EMP2: variants seen among roughly 807,000 people sequenced by gnomAD.
EMP2 encodes the protein epithelial membrane protein 2.
A neutral mutation model predicts 13.7 loss-of-function variants in EMP2; 19 were observed. The observed-to-expected ratio is 1.38, with a 90% CI of 0.97 to 2.03. The LOEUF (loss-of-function observed/expected upper bound fraction) is 2.03. Ranked by LOEUF, EMP2 falls within the 30% of genes most tolerant of loss-of-function variation. The pLI is 0.00. For missense variants in EMP2, 253 were observed against 220.7 expected (o/e 1.15, Z -0.93); for synonymous variants, 97 against 84.7 (o/e 1.15, Z -0.80).
chr16:10,559,020 G>A (rs974423122), intron 1 of EMP2: 4 of 152,300 alleles, frequency 2.6e-5, no homozygotes, highest in Non-Finnish European at 5.9e-5. Flanking sequence ...CTGGAGGTCC[G>A]AGGCAATCTC....
intron 3 of EMP2, among the ~76,000 whole-genome samples, chr16:10,540,818 T>C (rs969626367): frequency 1.3e-5 from 2 of 152,190 alleles, no homozygotes; most frequent in Non-Finnish European, 2.9e-5. Context: ...ACATTCTCTT[T>C]AACATAGACT....
chr16:10,536,134 G>A (rs916746986), intron 4 of EMP2, among the ~76,000 whole-genome samples: 1 of 152,208 alleles, frequency 6.6e-6, no homozygotes, highest in Non-Finnish European at 1.5e-5. Flanking sequence ...TGGCTGTCCA[G>A]TAAAAGTGCC....
intron 1 of EMP2, among the ~76,000 whole-genome samples, chr16:10,550,872 G>A (rs527671714): frequency 7.6e-4 from 116 of 152,094 alleles, no homozygotes; most frequent in African/African-American, 2.6e-3. Context: ...GTACTCAGGA[G>A]GCTGAGGCAG....
intron 1 of EMP2, among the ~76,000 whole-genome samples, chr16:10,573,781 A>T (rs753373448): frequency 6.6e-6 from 1 of 152,212 alleles, no homozygotes; most frequent in African/African-American, 2.4e-5. Flanking sequence ...TTCCTCGTAT[A>T]AACATGTGAG....
chr16:10,573,027 T>G (rs1409033867), intron 1 of EMP2, among the ~76,000 whole-genome samples: 1 of 152,114 alleles, frequency 6.6e-6, no homozygotes, highest in Non-Finnish European at 1.5e-5. Context: ...AAGGGAGTGG[T>G]CAGCATGGGT....
rs756207795 is a variant in EMP2 at position 10,533,052 on chromosome 16, C to A, written c.357G>T (p.Arg119Ser). The A allele has an allele frequency of 8.7e-6, 14 of 1,608,676 alleles. No individual in the cohort carries two copies. The highest frequency in any genetic ancestry group is 6.7e-5 in the Admixed American group (4 of 59,300). Residue 119 changes from arginine to serine, a missense_variant, in exon 5 of 5, where the codon AGG becomes AGT. By Grantham distance (110) the Arg-to-Ser change is moderately radical. Transcript: ENST00000359543. Reference protein sequence around the residue: ...VMIAASIYTDRREDIHDKNAK... With the variant: ...VMIAASIYTDSREDIHDKNAK... The stretch of plus-strand genomic sequence containing the variant: ...CGTTTTTGTCGTGAATGTCTTCACG[C>A]CTGTCTGTATAAATGGAGGCCGCAA...
At chr16:10,553,792 C>T (rs763451510) in intron 1 of EMP2, among the ~76,000 whole-genome samples, 1 of 152,240 alleles carries the variant, frequency 6.6e-6, no homozygotes, top group Non-Finnish European at 1.5e-5. Flanking sequence ...TCCGGACTTT[C>T]TGCGGCTCCA....
At chr16:10,551,998 A>AC (rs1217336476) in intron 1 of EMP2, among the ~76,000 whole-genome samples, 1 of 152,136 alleles carries the variant, frequency 6.6e-6, no homozygotes, top group African/African-American at 2.4e-5. Context: ...AATTAGAAGG[A>AC]CCCAATGAAC....
chr16:10,580,360 C>T lies in EMP2; in HGVS notation c.-61+189G>A, dbSNP rs924845958. On this transcript the variant is annotated intron_variant, in intron 1 of 4. Coordinates refer to ENST00000359543, the MANE Select transcript of EMP2 (RefSeq NM_001424.6). This position sits in a 1 kb window ranked among gnomAD's most constrained non-coding sequence, Gnocchi z 4.3. ...GGATGGCGAAGTGGAATTCTGGGGC[C>T]GGAGCGAGCGTGGCGCAGACCAGAG... Among the ~76,000 whole-genome samples, 1 of 152,216 alleles carries T rather than the reference C, an allele frequency of 6.6e-6. No individual in the cohort carries two copies. Among genetic ancestry groups the T allele is most frequent in the Non-Finnish European group, 1.5e-5 (1 of 68,038 alleles).
At chr16:10,543,318 CAGAGA>C (rs1278755744) in intron 3 of EMP2, among the ~76,000 whole-genome samples, 1 of 152,276 alleles carries the variant, frequency 6.6e-6, no homozygotes. Context: ...TGCCAAGAGG[CAGAGA>C]AGAGAAGGCA....
chr16:10,537,448 C>G (rs1236629392), intron 4 of EMP2, among the ~76,000 whole-genome samples: 2 of 152,232 alleles, frequency 1.3e-5, no homozygotes, highest in East Asian at 3.9e-4. Flanking sequence ...AACAAAGACC[C>G]CAAATCCTTT....
chr16:10,576,618 G>A (rs1209165529), intron 1 of EMP2: 1 of 151,890 alleles, frequency 6.6e-6, no homozygotes, highest in Non-Finnish European at 1.5e-5. Flanking sequence ...TCTAGAAGCT[G>A]ATGTCATCTA....
At chr16:10,565,516 C>A (rs761609569) in intron 1 of EMP2, among the ~76,000 whole-genome samples, 5 of 152,184 alleles carry the variant, frequency 3.3e-5, no homozygotes, top group Non-Finnish European at 7.3e-5. Context: ...TTTGAACTTG[C>A]CAGCCTCCAT....
rs978441290 is a variant in EMP2 at position 10,557,305 on chromosome 16, C to T, written c.-60-9628G>A. Among the ~76,000 whole-genome samples, 3 of 148,686 alleles carry T rather than the reference C, an allele frequency of 2.0e-5. 1 individual carries two copies. In the South Asian group the frequency reaches 6.4e-4, roughly 32 times the overall value. ...CCGGTAGGTGGAGGTTGCATTGAGCCGAGATCCCACCACTGCACTCCAGCC... is the reference window on the plus strand; with the variant it reads ...CCGGTAGGTGGAGGTTGCATTGAGCTGAGATCCCACCACTGCACTCCAGCC... On this transcript the variant is annotated intron_variant, in intron 1 of 4. Coordinates refer to ENST00000359543, the MANE Select transcript of EMP2 (RefSeq NM_001424.6).
chr16:10,553,437 G>C (rs1427399327), intron 1 of EMP2, among the ~76,000 whole-genome samples: 1 of 152,156 alleles, frequency 6.6e-6, no homozygotes, highest in Non-Finnish European at 1.5e-5. Context: ...CCGCTTTCTG[G>C]ATTGGTGGAG....
intron 1 of EMP2, among the ~76,000 whole-genome samples, chr16:10,556,489 T>C (rs944706444): frequency 3.3e-5 from 5 of 152,192 alleles, no homozygotes; most frequent in Non-Finnish European, 7.3e-5. Flanking sequence ...AAGCAATCCA[T>C]GTGTGGCACT....
At chr16:10,539,315 G>C (rs1052719950) in intron 3 of EMP2, among the ~76,000 whole-genome samples, 5 of 152,080 alleles carry the variant, frequency 3.3e-5, no homozygotes, top group African/African-American at 1.2e-4. Context: ...AACATAATTG[G>C]TAAGTACTTA....
chr16:10,556,185 G>C (rs2050826433), intron 1 of EMP2, among the ~76,000 whole-genome samples: 1 of 152,054 alleles, frequency 6.6e-6, no homozygotes, highest in Non-Finnish European at 1.5e-5. Flanking sequence ...TTTTCCCCTA[G>C]CATTTCCAGT....
At chr16:10,539,899 C>T (rs940011793) in intron 3 of EMP2, among the ~76,000 whole-genome samples, 2 of 135,390 alleles carry the variant, frequency 1.5e-5, no homozygotes, top group African/African-American at 5.8e-5. Context: ...TCCCAGGGAT[C>T]ACCTGGGATT....
Sources: gnomAD v4.1 joint callset for allele counts (sites outside exome capture counted in the v4.1 genomes callset) on GRCh38, gnomAD v4.1.1 for gene constraint, Gnocchi (gnomAD v3.1) non-coding constraint, MANE v1.5 for transcripts, NCBI Gene and HGNC (gene_info 2026-07-23, HGNC 2026-07-21) for gene names.